TRPM3: variants seen among roughly 807,000 people sequenced by gnomAD.
TRPM3 encodes long transient receptor potential channel 3.
TRPM3 carries 77 observed loss-of-function variants against 181.2 expected under a neutral mutation model. That is an observed-to-expected ratio of 0.42 (90% confidence interval 0.35 to 0.51). The LOEUF is 0.51. Among genes scored for constraint, TRPM3 ranks in the 20% least tolerant of loss-of-function variants. The pLI is 0.01. For missense variants in TRPM3, 1,759 were observed against 2,196.7 expected (o/e 0.80, Z 3.98); for synonymous variants, 745 against 796.4 (o/e 0.94, Z 1.09).
intron 8 of TRPM3, among the ~76,000 whole-genome samples, chr9:70,755,004 T>C (rs1444712521): frequency 6.6e-6 from 1 of 152,180 alleles, no homozygotes; most frequent in African/African-American, 2.4e-5. Flanking sequence ...TTTCAAGGCA[T>C]CTGGTACCGT....
chr9:70,918,858 C>T (rs1416362263), intron 1 of TRPM3, among the ~76,000 whole-genome samples: 5 of 150,580 alleles, frequency 3.3e-5, no homozygotes, highest in Non-Finnish European at 5.9e-5. Context: ...CATAATAGGC[C>T]CAATAGTCTA....
chr9:70,982,121 C>A (rs2097370051), intron 1 of TRPM3, among the ~76,000 whole-genome samples: 1 of 152,190 alleles, frequency 6.6e-6, no homozygotes, highest in Admixed American at 6.5e-5. Context: ...CACCTCATTA[C>A]AAATATTTTC....
intron 1 of TRPM3, among the ~76,000 whole-genome samples, chr9:71,012,770 T>C (rs1207629842): frequency 6.6e-6 from 1 of 152,066 alleles, no homozygotes; most frequent in Non-Finnish European, 1.5e-5. Flanking sequence ...CTGAAATTTT[T>C]TATGGTTTGT....
At chr9:71,273,128 G>A (rs939917516) in intron 1 of TRPM3, among the ~76,000 whole-genome samples, 1 of 152,056 alleles carries the variant, frequency 6.6e-6, no homozygotes, top group Non-Finnish European at 1.5e-5. Flanking sequence ...TGCCTGCCTT[G>A]GCCACCCAAA....
chr9:71,158,920 T>A (rs1235960714), intron 1 of TRPM3, among the ~76,000 whole-genome samples: 1 of 151,994 alleles, frequency 6.6e-6, no homozygotes, highest in Non-Finnish European at 1.5e-5. Flanking sequence ...ACTGACCTTC[T>A]CCTACCCTCA....
chr9:71,127,292 A>AACACACACACACACACACAC (rs60199233), intron 1 of TRPM3, among the ~76,000 whole-genome samples: 3,114 of 143,770 alleles, frequency 0.022, 53 homozygotes, highest in African/African-American at 0.044. Context: ...AGCTGACCAA[A>AACACACACACACACACACAC]ACACACACAC....
At chr9:70,554,249 C>T (rs757770745) in intron 22 of TRPM3, among the ~76,000 whole-genome samples, 4 of 152,118 alleles carry the variant, frequency 2.6e-5, no homozygotes, top group East Asian at 1.9e-4. Flanking sequence ...CAGATGATGC[C>T]GTGAGGTGCC....
intron 1 of TRPM3, among the ~76,000 whole-genome samples, chr9:71,077,914 T>C (rs559591505): frequency 6.6e-6 from 1 of 151,692 alleles, no homozygotes; most frequent in Admixed American, 6.6e-5. Flanking sequence ...GTCTTTTTTT[T>C]TTTTTTTTTC....
At chr9:70,575,532 T>A (rs2053708000) in intron 22 of TRPM3, among the ~76,000 whole-genome samples, 2 of 152,152 alleles carry the variant, frequency 1.3e-5, no homozygotes, top group Admixed American at 1.3e-4. Context: ...CTTGAATACA[T>A]CCCACTCTGA....
At chr9:71,147,599 G>T (rs902720126) in intron 1 of TRPM3, among the ~76,000 whole-genome samples, 2 of 152,112 alleles carry the variant, frequency 1.3e-5, no homozygotes, top group African/African-American at 4.8e-5. Flanking sequence ...CAAGAGATCT[G>T]CGTTGAGTAC....
chr9:70,968,957 G>C (rs2097211496), intron 1 of TRPM3, among the ~76,000 whole-genome samples: 1 of 152,064 alleles, frequency 6.6e-6, no homozygotes, highest in Non-Finnish European at 1.5e-5. Flanking sequence ...CATGAGCAAA[G>C]ACTTCATGTC....
chr9:70,569,545 A>G (rs967263196), intron 22 of TRPM3, among the ~76,000 whole-genome samples: 1 of 152,316 alleles, frequency 6.6e-6, no homozygotes, highest in East Asian at 1.9e-4. Flanking sequence ...GTCCCAGATT[A>G]TAATAGGAAC....
At chr9:70,541,701 G>A (rs752553756) in intron 25 of TRPM3, among the ~76,000 whole-genome samples, 1 of 152,082 alleles carries the variant, frequency 6.6e-6, no homozygotes, top group African/African-American at 2.4e-5. Context: ...AGTAGAGATG[G>A]GGTTTCTCCA....
chr9:71,120,027 G>A (rs1036495733), intron 1 of TRPM3, among the ~76,000 whole-genome samples: 8 of 152,286 alleles, frequency 5.3e-5, no homozygotes, highest in Admixed American at 5.2e-4. Flanking sequence ...GAAAACTCAG[G>A]CAAGGGGTAA....
At chr9:71,133,966 TG>T (rs1298093752) in intron 1 of TRPM3, among the ~76,000 whole-genome samples, 3 of 91,026 alleles carry the variant, frequency 3.3e-5, no homozygotes, top group African/African-American at 1.3e-4. Context: ...ATCTAAACTG[TG>T]TGTGTTTGTG....
intron 1 of TRPM3, among the ~76,000 whole-genome samples, chr9:71,147,610 T>G (rs1432176105): frequency 1.3e-5 from 2 of 152,192 alleles, no homozygotes; most frequent in Non-Finnish European, 1.5e-5. Context: ...CGTTGAGTAC[T>G]GACTGATTCT....
intron 1 of TRPM3, among the ~76,000 whole-genome samples, chr9:71,170,792 G>T (rs1021009471): frequency 6.6e-6 from 1 of 152,106 alleles, no homozygotes; most frequent in Non-Finnish European, 1.5e-5. Flanking sequence ...AAATTGTACA[G>T]CATGTGTGTT....
At chr9:71,365,070 C>G (rs573437661) in intron 1 of TRPM3, among the ~76,000 whole-genome samples, 1 of 152,282 alleles carries the variant, frequency 6.6e-6, no homozygotes, top group African/African-American at 2.4e-5. Context: ...AAAAGGTACA[C>G]AAGGAAATAA....
At chr9:71,349,935 C>CTT (rs971841979) in intron 1 of TRPM3, among the ~76,000 whole-genome samples, 1 of 150,036 alleles carries the variant, frequency 6.7e-6, no homozygotes, top group Non-Finnish European at 1.5e-5. Flanking sequence ...TATATATAGA[C>CTT]ACTCCATCAT....
Sources: gnomAD v4.1 joint callset for allele counts (sites outside exome capture counted in the v4.1 genomes callset) on GRCh38, gnomAD v4.1.1 for gene constraint, MANE v1.5 for transcripts, NCBI Gene and HGNC (gene_info 2026-07-23, HGNC 2026-07-21) for gene names.